The following KIAA0825 variants were observed in gnomAD, a reference collection of about 807,000 sequenced individuals.
KIAA0825 encodes uncharacterized protein KIAA0825.
Under a neutral mutation model 147.6 loss-of-function variants are expected in KIAA0825, and 119 were observed. The observed-to-expected ratio is 0.81, with a 90% CI of 0.69 to 0.94. The LOEUF (loss-of-function observed/expected upper bound fraction) is 0.94. KIAA0825 is among the 40% of genes least tolerant of loss of function. The probability of loss-of-function intolerance (pLI) is 0.00; values close to 1 mark genes in which losing one functional copy is unlikely to be tolerated. For synonymous variants in KIAA0825, 470 were observed against 518.1 expected (o/e 0.91, Z 1.26); for missense variants, 1,381 against 1,472.7 (o/e 0.94, Z 1.02).
In KIAA0825 at chr5:94,473,329, A is replaced by G; in HGVS notation, c.1418T>C (p.Met473Thr). 2 of 1,551,826 alleles carry G rather than the reference A, an allele frequency of 1.3e-6. No individual in the cohort carries two copies. The highest frequency in any genetic ancestry group is 1.7e-6 in the Non-Finnish European group (2 of 1,147,020). Residue 473 changes from methionine (M) to threonine (T), a missense_variant, in exon 8 of 21, where the codon ATG becomes ACG. Transcript: ENST00000682413. Reference sequence around the variant, plus strand: ...CTTTGGTTGTTCCTCCTCAGGAAACATATGGCTGTCTTGCCAAACTTGCTG... The same window carrying G: ...CTTTGGTTGTTCCTCCTCAGGAAACGTATGGCTGTCTTGCCAAACTTGCTG... ...NVQQVWQDSH[M>T]FPEEEQPKKI...
intron 20 of KIAA0825, among the ~76,000 whole-genome samples, chr5:94,255,982 G>A (rs1776233574): frequency 6.6e-6 from 1 of 151,756 alleles, no homozygotes; most frequent in African/African-American, 2.4e-5. Flanking sequence ...CCAAAGTATT[G>A]GGATTACAGA....
At chr5:94,573,417 T>C (rs1780356177) in intron 2 of KIAA0825, among the ~76,000 whole-genome samples, 1 of 151,996 alleles carries the variant, frequency 6.6e-6, no homozygotes, top group Non-Finnish European at 1.5e-5. Flanking sequence ...ACTACAGGCA[T>C]GTGCCACCAT....
intron 6 of KIAA0825, among the ~76,000 whole-genome samples, chr5:94,482,414 T>C (rs1762596138): frequency 6.6e-6 from 1 of 152,080 alleles, no homozygotes; most frequent in Non-Finnish European, 1.5e-5. Flanking sequence ...CTTTCCAAGA[T>C]CTTTATTAGC....
intron 20 of KIAA0825, among the ~76,000 whole-genome samples, chr5:94,316,212 A>C (rs1196459062): frequency 6.6e-6 from 1 of 151,712 alleles, no homozygotes; most frequent in Non-Finnish European, 1.5e-5. Context: ...AGTTAAACCT[A>C]AGACATTAGT....
At chr5:94,182,842 T>G (rs1448059550) in intron 20 of KIAA0825, among the ~76,000 whole-genome samples, 1 of 152,156 alleles carries the variant, frequency 6.6e-6, no homozygotes, top group Non-Finnish European at 1.5e-5. Context: ...ACCTAGTGAA[T>G]TATTTGGTGA....
At chr5:94,579,873 T>A (rs1046054894) in intron 2 of KIAA0825, among the ~76,000 whole-genome samples, 1 of 152,218 alleles carries the variant, frequency 6.6e-6, no homozygotes, top group African/African-American at 2.4e-5. Flanking sequence ...CTGCTATAGT[T>A]TAAATAAATT....
intron 1 of KIAA0825, among the ~76,000 whole-genome samples, chr5:94,616,749 A>G (rs1429052913): frequency 6.6e-6 from 1 of 152,238 alleles, no homozygotes; most frequent in Admixed American, 6.5e-5. Flanking sequence ...TAAAGGCACT[A>G]AAGAAACTGC....
intron 2 of KIAA0825, among the ~76,000 whole-genome samples, chr5:94,572,001 T>C (rs975585784): frequency 2.6e-5 from 4 of 151,998 alleles, no homozygotes; most frequent in African/African-American, 9.7e-5. Flanking sequence ...GGTGGGAGCA[T>C]TGCTTGAGCC....
Position 94,477,219 on chromosome 5 carries a change from AAGAAAACAAACAC to A in KIAA0825, c.1133-27_1133-15del, listed in dbSNP as rs1197122176. On this transcript the variant is annotated splice_polypyrimidine_tract_variant and intron_variant, in intron 6 of 20. Coordinates refer to ENST00000682413, the MANE Select transcript of KIAA0825 (RefSeq NM_001145678.3). ...TCTCCAAAATTCCTAAGCAATAGAA[AAGAAAACAAACAC>A]ACTAATATATATTGTTTAAAAAGCA... 6.8e-7 allele frequency: 1 copy of A among 1,480,082 alleles called. No homozygotes were observed. Among genetic ancestry groups the A allele is most frequent in the Non-Finnish European group, 9.2e-7 (1 of 1,084,156 alleles). 91.7% of individuals were successfully genotyped at this position (1,480,082 alleles called of 1,614,324 possible). A position where few individuals can be genotyped will look rare whatever the true frequency, so the allele number is the denominator to read the frequency against.
chr5:94,567,392 A>G (rs939253021), intron 2 of KIAA0825: 1 of 152,238 alleles, frequency 6.6e-6, no homozygotes, highest in African/African-American at 2.4e-5. Context: ...ATGATGGAAC[A>G]CTTAAGTTGA....
intron 20 of KIAA0825, among the ~76,000 whole-genome samples, chr5:94,234,357 C>T (rs189308954): frequency 1.2e-3 from 183 of 148,404 alleles, no homozygotes; most frequent in African/African-American, 3.9e-3. Context: ...GGCAACAGAG[C>T]GAGACTCCGT....
At chr5:94,461,518 C>G (rs148680943) in intron 12 of KIAA0825, among the ~76,000 whole-genome samples, 360 of 152,056 alleles carry the variant, frequency 2.4e-3, no homozygotes, top group African/African-American at 8.2e-3. Context: ...CTAAAAGTAG[C>G]TCTCAACTTG....
At chr5:94,468,791 ACT>A (rs1463105836) in intron 10 of KIAA0825, among the ~76,000 whole-genome samples, 2 of 152,098 alleles carry the variant, frequency 1.3e-5, no homozygotes, top group Admixed American at 6.6e-5. Flanking sequence ...ATAAAACTCC[ACT>A]CTGTTTTTCT....
At chr5:94,519,504 C>G in intron 5 of KIAA0825, 1 of 711,530 alleles carries the variant, frequency 1.4e-6, no homozygotes. Flanking sequence ...AACTTCTTTC[C>G]TTTTTTCCTT....
At chr5:94,591,970 C>G (rs1344583185) in intron 1 of KIAA0825, among the ~76,000 whole-genome samples, 1 of 152,148 alleles carries the variant, frequency 6.6e-6, no homozygotes, top group Non-Finnish European at 1.5e-5. Context: ...ATTCCATTAC[C>G]TCCTACTGGG....
chr5:94,164,492 A>G (rs1767857233), intron 20 of KIAA0825, among the ~76,000 whole-genome samples: 1 of 151,784 alleles, frequency 6.6e-6, no homozygotes, highest in Non-Finnish European at 1.5e-5. Context: ...GCTCACTGCA[A>G]CCTCTGCCTC....
intron 1 of KIAA0825, among the ~76,000 whole-genome samples, chr5:94,596,703 C>T (rs555744289): frequency 2.0e-5 from 3 of 152,106 alleles, no homozygotes; most frequent in African/African-American, 4.8e-5. Context: ...TCTATCAATC[C>T]ATGAGCGTGG....
intron 3 of KIAA0825, among the ~76,000 whole-genome samples, chr5:94,535,811 T>C (rs1270761470): frequency 6.6e-6 from 1 of 152,236 alleles, no homozygotes; most frequent in Non-Finnish European, 1.5e-5. Flanking sequence ...ATAAAGCCAA[T>C]TAGCTAACAC....
At chr5:94,569,763 A>G (rs770931842) in intron 2 of KIAA0825, 27 of 251,084 alleles carry the variant, frequency 1.1e-4, no homozygotes, top group Non-Finnish European at 1.9e-4. Flanking sequence ...GACGTAAACC[A>G]TGGCTGAATC....
Sources: allele counts gnomAD v4.1 joint callset (sites outside exome capture counted in the v4.1 genomes callset), GRCh38; gene constraint gnomAD v4.1.1; transcripts MANE v1.5; gene names NCBI Gene and HGNC (gene_info 2026-07-23, HGNC 2026-07-21).